Variants in DNAH17 observed in about 807,000 individuals in gnomAD.
DNAH17 encodes axonemal beta dynein heavy chain 17.
DNAH17 carries 376 observed loss-of-function variants against 485.6 expected under a neutral mutation model. The observed-to-expected ratio is 0.77, with a 90% CI of 0.71 to 0.84. DNAH17 has a LOEUF of 0.84. Ranked by LOEUF, DNAH17 falls within the 40% of genes least tolerant of loss-of-function variation. The pLI, the probability that DNAH17 is intolerant of heterozygous loss-of-function variation, is 0.00. For synonymous variants in DNAH17, 3,031 were observed against 2,405.9 expected (o/e 1.26, Z -7.60); for missense variants, 6,370 against 5,839.3 (o/e 1.09, Z -2.96).
At chr17:78,484,764 C>CCTGCCCTA (rs2146641635) in intron 48 of DNAH17, 104 bp downstream of exon 48, 1 of 846,774 alleles carries the variant, frequency 1.2e-6, no homozygotes, top group East Asian at 4.0e-5. Context: ...CCACACCAGT[C>CCTGCCCTA]CTGCCCTACT....
In DNAH17 at chr17:78,543,924, A is replaced by T; in HGVS notation, c.2465T>A (p.Ile822Asn). 6.2e-7 allele frequency: 1 copy of T among 1,614,022 alleles called. No homozygotes were observed. Among genetic ancestry groups the T allele is most frequent in the Non-Finnish European group, 8.5e-7 (1 of 1,179,884 alleles). The change falls in exon 17 of 81, where the codon ATT (isoleucine) becomes AAT (asparagine). Residue 822 changes from isoleucine (I) to asparagine (N), a missense_variant. Physicochemically the swap from Ile to Asn is moderately radical, Grantham distance 149 (BLOSUM62 -3). Transcript: ENST00000389840. ...TGCGTAGCGCTTGTTGAGGTTGGCA[A>T]TTCTTCCATCCAAGTCTAACAGGGC... ...KEALLDLDGR[I>N]ANLNKRYAAV...
chr17:78,426,368 T>C, intron 79 of DNAH17, 89 bp downstream of exon 79: 1 of 1,418,284 alleles, frequency 7.1e-7, no homozygotes, highest in Non-Finnish European at 9.3e-7. Flanking sequence ...CTGGCCATGC[T>C]CCTGCAGGCT....
Position 78,539,845 on chromosome 17 carries a change from G to C in DNAH17, c.2568C>G (p.Ser856Arg). The C allele has an allele frequency of 6.2e-7, 1 of 1,609,774 alleles. No homozygotes were observed. The highest frequency in any genetic ancestry group is 1.7e-5 in the Admixed American group (1 of 59,396). The part of the protein sequence containing the change: ...NAELFRADTL[S>R]LPWKDYVIYI... Reference sequence around the variant, plus strand: ...AGATGACATAATCCTTCCAGGGCAGGCTCAGTGTGTCTGCCCTGAATAGTT... The same window carrying C: ...AGATGACATAATCCTTCCAGGGCAGCCTCAGTGTGTCTGCCCTGAATAGTT... The change falls in exon 18 of 81, where the codon AGC (serine) becomes AGG (arginine). Residue 856 changes from serine (S) to arginine (R), a missense_variant. Transcript: ENST00000389840.
rs371717319 is a variant in DNAH17 at position 78,468,784 on chromosome 17, G to T, written c.8611C>A (p.Leu2871Met). 1.2e-6 allele frequency: 2 copies of T among 1,613,914 alleles called. No homozygotes were observed. Among genetic ancestry groups the T allele is most frequent in the African/African-American group, 1.3e-5 (1 of 74,934 alleles). The stretch of plus-strand genomic sequence containing the variant: ...CCTGAGGCCAGCAGGTCATTGATCA[G>T]CACCAGAAACTGCTCCTCGGCCACC... ...SQVAEEQFLV[L>M]INDLLASGEI... Residue 2871 changes from leucine (L) to methionine (M), a missense_variant, in exon 55 of 81, where the codon CTG becomes ATG. By Grantham distance (15) the Leu-to-Met change is conservative. Coordinates refer to ENST00000389840, the MANE Select transcript of DNAH17 (RefSeq NM_173628.4).
chr17:78,454,232 T>C (rs1319918939), intron 64 of DNAH17, among the ~76,000 whole-genome samples: 1 of 152,216 alleles, frequency 6.6e-6, no homozygotes, highest in Non-Finnish European at 1.5e-5. Flanking sequence ...ACCCCAGGCC[T>C]GAGCCTCCGT....
intron 68 of DNAH17, chr17:78,449,981 G>A: frequency 1.9e-6 from 1 of 517,458 alleles, no homozygotes; most frequent in Non-Finnish European, 3.5e-6. Context: ...AGGCCATCCA[G>A]TTTGTTTTGA....
intron 44 of DNAH17, among the ~76,000 whole-genome samples, chr17:78,487,359 T>C (rs920625413): frequency 4.6e-5 from 7 of 152,186 alleles, no homozygotes; most frequent in African/African-American, 1.7e-4. Context: ...CCAGGGTAAG[T>C]GTTGCCAAAT....
chr17:78,531,648 C>G (rs960255862), intron 20 of DNAH17, among the ~76,000 whole-genome samples: 8 of 152,196 alleles, frequency 5.3e-5, no homozygotes, highest in African/African-American at 1.7e-4. Flanking sequence ...GACATAAAGT[C>G]TGTCTTATCT....
At chr17:78,425,755 G>GGTT (rs1568032936) in intron 79 of DNAH17, among the ~76,000 whole-genome samples, 184 bp from the exon 80 acceptor site, 3 of 88,314 alleles carry the variant, frequency 3.4e-5, no homozygotes, top group African/African-American at 1.6e-4. Context: ...TTTGGTGTCT[G>GGTT]CTTTTTTTTT....
At chr17:78,501,423 A>C in intron 34 of DNAH17, 79 bp from the exon 35 acceptor site, 1 of 1,495,650 alleles carries the variant, frequency 6.7e-7, no homozygotes, top group Non-Finnish European at 8.9e-7. Flanking sequence ...GCATGCCTCC[A>C]AGGCCGGTCC....
At chr17:78,435,352 C>T (rs1220521019) in intron 74 of DNAH17, among the ~76,000 whole-genome samples, 1 of 152,188 alleles carries the variant, frequency 6.6e-6, no homozygotes, top group Non-Finnish European at 1.5e-5. Flanking sequence ...ATACAGGTTC[C>T]ACCCACCACC....
rs182157119 is a variant in DNAH17 at position 78,532,487 on chromosome 17, C to G, written c.3109G>C (p.Glu1037Gln). 3.1e-4 allele frequency: 495 copies of G among 1,609,814 alleles called. No homozygotes were observed. In the African/African-American group the frequency reaches 6.3e-3, roughly 20 times the overall value. ...KTPPTLAQFQEQIDSYEKLYE... is the reference protein window; with the variant it reads ...KTPPTLAQFQQQIDSYEKLYE... ...TGGGTGAGGTCTGCACGCACCTGCTCCTGGAACTGAGCCAGGGTGGGCGGT... is the reference window on the plus strand; with the variant it reads ...TGGGTGAGGTCTGCACGCACCTGCTGCTGGAACTGAGCCAGGGTGGGCGGT... Residue 1037 changes from glutamate (E) to glutamine (Q), a missense_variant, in exon 20 of 81, where the codon GAG (glutamate) becomes CAG (glutamine). Transcript: ENST00000389840.
intron 25 of DNAH17, among the ~76,000 whole-genome samples, chr17:78,524,179 C>T (rs890569828): frequency 5.3e-5 from 8 of 152,140 alleles, no homozygotes; most frequent in Non-Finnish European, 1.0e-4. Flanking sequence ...ACTCTATCGC[C>T]CAGGCTGGAG....
chr17:78,490,283 C>T (rs562163968), intron 44 of DNAH17, among the ~76,000 whole-genome samples: 8 of 152,308 alleles, frequency 5.3e-5, no homozygotes, highest in East Asian at 1.9e-4. Context: ...ACTGCCCATC[C>T]GGCAATGCCC....
rs541808259 is a variant in DNAH17, at chr17:78,438,125, C to T, written c.11806-257G>A. On this transcript the variant is annotated intron_variant, in intron 73 of 80. Coordinates refer to ENST00000389840, the MANE Select transcript of DNAH17 (RefSeq NM_173628.4). ...AATGAATTGCAAACCTCCAGCCTTA[C>T]GGTGAGTCCTTTGTGTCCTCCCTGG... 2.0e-4 allele frequency among the ~76,000 whole-genome samples: 30 copies of T among 152,018 alleles called. 1 individual carries two copies. In the South Asian group the frequency reaches 5.8e-3, roughly 29 times the overall value.
intron 25 of DNAH17, chr17:78,522,715 C>A: frequency 5.0e-6 from 1 of 201,278 alleles, no homozygotes; most frequent in Admixed American, 5.9e-5. Context: ...AAAAAGACAT[C>A]AAAGAGAGAC....
intron 56 of DNAH17, 118 bp from the exon 57 acceptor site, chr17:78,463,195 A>G: frequency 1.1e-6 from 1 of 875,868 alleles, no homozygotes; most frequent in Non-Finnish European, 1.8e-6. Flanking sequence ...TCTCAACCTC[A>G]GTGTCTTCAA....
At chr17:78,502,101 A>G (rs2090317293) in intron 33 of DNAH17, 2 of 568,474 alleles carry the variant, frequency 3.5e-6, no homozygotes. Flanking sequence ...AAGGAAATTC[A>G]AGGCCACGAG....
At chr17:78,496,686 T>TTTC (rs1464507901) in intron 37 of DNAH17, 26 of 130,562 alleles carry the variant, frequency 2.0e-4, no homozygotes, top group Admixed American at 1.9e-3. Context: ...TTTTTTTTTT[T>TTTC]TTTAAGACTG....
Sources: gnomAD v4.1 joint callset for allele counts (sites outside exome capture counted in the v4.1 genomes callset) on GRCh38, gnomAD v4.1.1 for gene constraint, MANE v1.5 for transcripts, NCBI Gene and HGNC (gene_info 2026-07-23, HGNC 2026-07-21) for gene names.